AGPAT4: variants seen among roughly 807,000 people sequenced by gnomAD.
The protein encoded by AGPAT4 is 1-acylglycerol-3-phosphate O-acyltransferase 4.
In AGPAT4, 15 loss-of-function variants were observed where a neutral mutation model predicts 48.0. That is an observed-to-expected ratio of 0.31 (90% CI 0.21 to 0.48). AGPAT4 has a LOEUF of 0.48. Ranked by LOEUF, AGPAT4 falls within the 20% of genes least tolerant of loss-of-function variation. AGPAT4 has a pLI of 0.99. For synonymous variants in AGPAT4, 178 were observed against 198.7 expected, an observed-to-expected ratio of 0.90 and a Z score of 0.88; for missense variants, 314 against 482.5, an observed-to-expected ratio of 0.65 and a Z score of 3.27.
At chr6:161,182,715 G>C (rs1780636699) in intron 2 of AGPAT4, among the ~76,000 whole-genome samples, 1 of 152,234 alleles carries the variant, frequency 6.6e-6, no homozygotes, top group Non-Finnish European at 1.5e-5. Flanking sequence ...AAGAGGGTGG[G>C]CAGCCAGCGG....
chr6:161,188,243 T>C (rs746194306), intron 2 of AGPAT4, among the ~76,000 whole-genome samples: 4 of 152,230 alleles, frequency 2.6e-5, no homozygotes, highest in Non-Finnish European at 5.9e-5. Flanking sequence ...GGGACATTGA[T>C]TGCTTCCATA....
rs191575617 is a variant in AGPAT4 at position 161,200,215 on chromosome 6, T to C, written c.178+31821A>G. ...ATGAGAAAAAATGTCAAATTGTACA[T>C]CACTTCTATGAGAAAATCACAGCAG... On this transcript the variant is annotated intron_variant, in intron 2 of 8. Coordinates refer to ENST00000320285, the MANE Select transcript of AGPAT4 (RefSeq NM_020133.3). The surrounding 1 kb of genome is among the most constrained non-coding windows in gnomAD (Gnocchi z 5.5). 6.6e-6 allele frequency among the ~76,000 whole-genome samples: 1 copy of C among 152,352 alleles called. No homozygotes were observed. The highest frequency in any genetic ancestry group is 6.5e-5 in the Admixed American group (1 of 15,302).
intron 2 of AGPAT4, among the ~76,000 whole-genome samples, chr6:161,172,044 C>T (rs1780280951): frequency 6.6e-6 from 1 of 152,114 alleles, no homozygotes; most frequent in African/African-American, 2.4e-5. Context: ...GAAAAAGCAA[C>T]CAAGGCTTTA....
chr6:161,160,704 A>G, intron 3 of AGPAT4: 1 of 326,770 alleles, frequency 3.1e-6, no homozygotes, highest in Non-Finnish European at 6.1e-6. Context: ...GGCTGTCAGG[A>G]CACAAAGATG....
intron 2 of AGPAT4, among the ~76,000 whole-genome samples, chr6:161,167,371 G>A (rs554159356): frequency 6.6e-6 from 1 of 152,094 alleles, no homozygotes; most frequent in Non-Finnish European, 1.5e-5. Context: ...GACTACAGGT[G>A]TGCACCACCA....
In AGPAT4 at chr6:161,159,604, C is replaced by T. The variant is rs371065581; in HGVS notation, c.349-5294G>A. Among the ~76,000 whole-genome samples the T allele has an allele frequency of 1.3e-5, 2 of 152,126 alleles. No homozygotes were observed. Among genetic ancestry groups the T allele is most frequent in the African/African-American group, 2.4e-5 (1 of 41,430 alleles). On this transcript the variant is annotated intron_variant, in intron 3 of 8. Transcript: ENST00000320285. This position sits in a 1 kb window ranked among gnomAD's most constrained non-coding sequence, Gnocchi z 4.1. ...AAAATAATGAATCAGTTTGTGTGCA[C>T]GCGTGCGTGTGTGTGTGTGTTCATC...
intron 5 of AGPAT4, among the ~76,000 whole-genome samples, chr6:161,150,382 A>C (rs572235948): frequency 6.6e-6 from 1 of 152,328 alleles, no homozygotes; most frequent in Admixed American, 6.5e-5. Context: ...GAGGTCAGGC[A>C]CTTACTGCAG....
chr6:161,219,786 G>T lies in AGPAT4; in HGVS notation c.178+12250C>A, dbSNP rs758503095. ...TATTTAAAACGTAAGGTCATTTCTT[G>T]TACCAGGGACACAGATTCACAGTAA... On this transcript the variant is annotated intron_variant, in intron 2 of 8. Coordinates refer to ENST00000320285, the MANE Select transcript of AGPAT4 (RefSeq NM_020133.3). The surrounding 1 kb of genome is among the most constrained non-coding windows in gnomAD (Gnocchi z 4.9). Among the ~76,000 whole-genome samples the T allele has an allele frequency of 7.3e-5, 11 of 151,504 alleles. No homozygotes were observed. The highest frequency in any genetic ancestry group is 2.1e-4 in the South Asian group (1 of 4,812).
intron 1 of AGPAT4, among the ~76,000 whole-genome samples, chr6:161,269,683 G>C (rs967281631): frequency 2.6e-5 from 4 of 152,152 alleles, no homozygotes; most frequent in African/African-American, 9.7e-5. Flanking sequence ...TTTAGAGGCT[G>C]TCTCCACATT....
chr6:161,241,498 G>A (rs1358073905), intron 1 of AGPAT4, among the ~76,000 whole-genome samples: 2 of 152,128 alleles, frequency 1.3e-5, no homozygotes, highest in Admixed American at 6.5e-5. Context: ...AAAAAGTCAG[G>A]TCTATGGAAA....
intron 2 of AGPAT4, among the ~76,000 whole-genome samples, chr6:161,172,637 ATTT>A (rs1218567102): frequency 3.3e-5 from 5 of 152,034 alleles, no homozygotes; most frequent in Admixed American, 2.6e-4. Flanking sequence ...TCATATTTTT[ATTT>A]TTTATTTATT....
rs76368039 is a variant in AGPAT4, at chr6:161,215,868, T to C, written c.178+16168A>G. On this transcript the variant is annotated intron_variant, in intron 2 of 8. Transcript: ENST00000320285. This position sits in a 1 kb window ranked among gnomAD's most constrained non-coding sequence, Gnocchi z 4.5. ...TAATACAGCATTACCTTTCAAACTA[T>C]ACATCAAATTGAGTAGAGCAGACAT... Among the ~76,000 whole-genome samples, 407 of 152,268 alleles carry C rather than the reference T, an allele frequency of 2.7e-3. 3 individuals are homozygous for C. Among genetic ancestry groups the C allele is most frequent in the African/African-American group, 9.3e-3 (385 of 41,556 alleles).
chr6:161,172,231 C>G (rs528807986), intron 2 of AGPAT4, among the ~76,000 whole-genome samples: 1 of 152,158 alleles, frequency 6.6e-6, no homozygotes, highest in East Asian at 1.9e-4. Flanking sequence ...ACCCTCAGTG[C>G]GAGAAGTGCA....
chr6:161,171,162 A>G lies in AGPAT4; in HGVS notation c.179-4745T>C, dbSNP rs1477937830. On this transcript the variant is annotated intron_variant, in intron 2 of 8. Transcript: ENST00000320285. This position sits in a 1 kb window ranked among gnomAD's most constrained non-coding sequence, Gnocchi z 4.4. ...AGTTAAGGGAAAATCACCTGTTGAG[A>G]GTTTCAGGTTGCAATCCTGTAACTA... 2.0e-5 allele frequency among the ~76,000 whole-genome samples: 3 copies of G among 152,210 alleles called. No individual in the cohort carries two copies. Among genetic ancestry groups the G allele is most frequent in the Non-Finnish European group, 4.4e-5 (3 of 68,036 alleles).
chr6:161,133,219 T>A lies in AGPAT4; in HGVS notation c.*3321A>T, dbSNP rs1380065817. ...CAGCCAGACCACTCCTCCACTCCAG[T>A]GGGGCCTTTTTTGTGTCTTTCACAT... is the stretch of plus-strand genomic sequence containing the variant. On this transcript the variant is annotated 3_prime_UTR_variant, in exon 9 of 9. Coordinates refer to ENST00000320285, the MANE Select transcript of AGPAT4 (RefSeq NM_020133.3). The A allele has an allele frequency of 6.6e-6, 1 of 152,244 alleles. No homozygotes were observed. The highest frequency in any genetic ancestry group is 2.4e-5 in the African/African-American group (1 of 41,470). 9.4% of individuals were successfully genotyped at this position (152,244 alleles called of 1,614,324 possible).
Position 161,231,225 on chromosome 6 carries a change from G to A in AGPAT4, c.178+811C>T, listed in dbSNP as rs1159705162. On this transcript the variant is annotated intron_variant, in intron 2 of 8. Coordinates refer to ENST00000320285, the MANE Select transcript of AGPAT4 (RefSeq NM_020133.3). This position sits in a 1 kb window ranked among gnomAD's most constrained non-coding sequence, Gnocchi z 5.3. ...CTGCGTTCTCTACTTTTAAGAATAG[G>A]TATAGGCTTAAGGCTAATCAATATC... Among the ~76,000 whole-genome samples, 3 of 152,024 alleles carry A rather than the reference G, an allele frequency of 2.0e-5. No homozygotes were observed. The highest frequency in any genetic ancestry group is 2.9e-5 in the Non-Finnish European group (2 of 67,990).
rs1328556822 is a variant in AGPAT4 at position 161,132,326 on chromosome 6, A to G, written c.*4214T>C. Reference sequence around the variant, plus strand: ...CATATCCTTATATAGATGGGGAAAAATCCAGAAAAGGGGGATTTTCAGCAG... The same window carrying G: ...CATATCCTTATATAGATGGGGAAAAGTCCAGAAAAGGGGGATTTTCAGCAG... On this transcript the variant is annotated 3_prime_UTR_variant, in exon 9 of 9. Transcript: ENST00000320285. The G allele has an allele frequency of 5.9e-5, 9 of 152,224 alleles. No individual in the cohort carries two copies. Among genetic ancestry groups the G allele is most frequent in the African/African-American group, 1.9e-4 (8 of 41,452 alleles). 9.4% of individuals were successfully genotyped at this position (152,224 alleles called of 1,614,324 possible). A position where few individuals can be genotyped will look rare whatever the true frequency, so the allele number is the denominator to read the frequency against.
intron 2 of AGPAT4, among the ~76,000 whole-genome samples, chr6:161,205,699 C>G (rs542012540): frequency 0.086 from 396 of 4,618 alleles, 2 homozygotes; most frequent in African/African-American, 0.2. Context: ...CAAGTTGAAA[C>G]AGATCAGAAG....
rs193285679 is a variant in AGPAT4, at chr6:161,148,556, C to A, written c.767+631G>T. ...TTGATTAGCATTCAGAGAAGATGAT[C>A]CACAGCACAACAAACCAATACGGTC... On this transcript the variant is annotated intron_variant, in intron 6 of 8. Coordinates refer to ENST00000320285, the MANE Select transcript of AGPAT4 (RefSeq NM_020133.3). This position sits in a 1 kb window ranked among gnomAD's most constrained non-coding sequence, Gnocchi z 5.5. Among the ~76,000 whole-genome samples, 4 of 152,234 alleles carry A rather than the reference C, an allele frequency of 2.6e-5. No individual in the cohort carries two copies. Among genetic ancestry groups the A allele is most frequent in the Admixed American group, 2.6e-4 (4 of 15,278 alleles).
Sources: allele counts gnomAD v4.1 joint callset (sites outside exome capture counted in the v4.1 genomes callset), GRCh38; gene constraint gnomAD v4.1.1; non-coding constraint Gnocchi (gnomAD v3.1); transcripts MANE v1.5; gene names NCBI Gene and HGNC (gene_info 2026-07-23, HGNC 2026-07-21).